The following RBFOX1 variants were observed in gnomAD, a reference collection of about 807,000 sequenced individuals.
The protein encoded by RBFOX1 is RNA binding protein fox-1 homolog 1.
In RBFOX1, 8 loss-of-function variants were observed where a neutral mutation model predicts 57.7. The ratio of observed to expected loss-of-function variants is 0.14; its 90% CI spans 0.08 to 0.25. RBFOX1 has a LOEUF of 0.25. Among genes scored for constraint, RBFOX1 ranks in the 10% least tolerant of loss-of-function variants. The pLI is 1.00. For missense variants in RBFOX1, 611 were observed against 548.5 expected, an observed-to-expected ratio of 1.11 and a Z score of -1.14; for synonymous variants, 326 against 222.4, an observed-to-expected ratio of 1.47 and a Z score of -4.15.
rs916116438 is a variant in RBFOX1, at chr16:6,867,762, C to A, written c.-15-184295C>A. On this transcript the variant is annotated intron_variant, in intron 3 of 15. Transcript: ENST00000550418. ...TATTTATCAGTTAATGTGTGAATTA[C>A]CCATGGCATCATTACCTTTAGGTTT... Among the ~76,000 whole-genome samples, 28 of 152,274 alleles carry A rather than the reference C, an allele frequency of 1.8e-4. No homozygotes were observed. In the East Asian group the frequency reaches 5.2e-3, roughly 28 times the overall value.
At chr16:5,416,660 G>T (rs572990312) in intron 1 of RBFOX1, among the ~76,000 whole-genome samples, 9 of 150,146 alleles carry the variant, frequency 6.0e-5, no homozygotes, top group African/African-American at 2.0e-4. Flanking sequence ...GCTTACGATT[G>T]TTCCCTGTAT....
intron 1 of RBFOX1, among the ~76,000 whole-genome samples, chr16:5,324,299 C>T (rs1204074672): frequency 6.6e-6 from 1 of 152,150 alleles, no homozygotes; most frequent in Non-Finnish European, 1.5e-5. Flanking sequence ...CCCATCTCTA[C>T]TAAAAATGCA....
chr16:5,683,430 G>C (rs971355134), intron 3 of RBFOX1, among the ~76,000 whole-genome samples: 1 of 151,986 alleles, frequency 6.6e-6, no homozygotes, highest in Non-Finnish European at 1.5e-5. Flanking sequence ...GTCTCTGTGG[G>C]TGTCGCCAAA....
chr16:6,404,113 A>C (rs916115260), intron 2 of RBFOX1, among the ~76,000 whole-genome samples: 1 of 152,164 alleles, frequency 6.6e-6, no homozygotes, highest in Non-Finnish European at 1.5e-5. Context: ...GAGTCAACCA[A>C]CCACAGATCG....
chr16:6,051,833 G>C (rs1173248360), intron 1 of RBFOX1, among the ~76,000 whole-genome samples: 3 of 152,132 alleles, frequency 2.0e-5, no homozygotes, highest in Non-Finnish European at 4.4e-5. Flanking sequence ...CAAACTGCTG[G>C]GATTACAGGC....
intron 2 of RBFOX1, among the ~76,000 whole-genome samples, chr16:6,481,658 T>C (rs2095372865): frequency 6.6e-6 from 1 of 152,188 alleles, no homozygotes; most frequent in African/African-American, 2.4e-5. Context: ...TTTTACCTGG[T>C]GCTGTTGGAA....
chr16:7,230,272 GA>G (rs767995697), intron 4 of RBFOX1, among the ~76,000 whole-genome samples: 8 of 152,172 alleles, frequency 5.3e-5, no homozygotes, highest in Non-Finnish European at 1.0e-4. Context: ...TAAACAAACA[GA>G]AAGTACCTGC....
chr16:7,018,754 C>T (rs549997107), intron 3 of RBFOX1, among the ~76,000 whole-genome samples: 56 of 150,600 alleles, frequency 3.7e-4, no homozygotes, highest in South Asian at 8.4e-4. Flanking sequence ...CAAACCTGCA[C>T]GTTGTGCACA....
At chr16:6,919,514 C>T (rs1237679247) in intron 3 of RBFOX1, among the ~76,000 whole-genome samples, 1 of 151,926 alleles carries the variant, frequency 6.6e-6, no homozygotes, top group Non-Finnish European at 1.5e-5. Context: ...GGGATTTGAA[C>T]CATGAAATCC....
intron 2 of RBFOX1, among the ~76,000 whole-genome samples, chr16:6,564,580 A>G (rs186383525): frequency 1.2e-4 from 18 of 152,248 alleles, no homozygotes; most frequent in African/African-American, 4.1e-4. Flanking sequence ...TCACTGATAT[A>G]TGGAATCTAA....
chr16:6,722,322 T>TA (rs1262049579), intron 3 of RBFOX1, among the ~76,000 whole-genome samples: 1 of 151,810 alleles, frequency 6.6e-6, no homozygotes, highest in Non-Finnish European at 1.5e-5. Flanking sequence ...TATTTTCTGT[T>TA]TTTGTTTGCT....
intron 2 of RBFOX1, among the ~76,000 whole-genome samples, chr16:6,499,311 G>A (rs1476644276): frequency 2.6e-5 from 4 of 151,908 alleles, no homozygotes; most frequent in East Asian, 1.9e-4. Context: ...TGCACTAATC[G>A]AGCCATTATG....
chr16:7,111,380 T>C (rs2064738178), intron 4 of RBFOX1, among the ~76,000 whole-genome samples: 1 of 152,224 alleles, frequency 6.6e-6, no homozygotes, highest in African/African-American at 2.4e-5. Flanking sequence ...TTTTTCCTCA[T>C]AGTAAATAAA....
intron 3 of RBFOX1, among the ~76,000 whole-genome samples, chr16:5,850,596 C>G (rs2056871014): frequency 6.6e-6 from 1 of 152,148 alleles, no homozygotes; most frequent in Non-Finnish European, 1.5e-5. Flanking sequence ...TGTTTACTCC[C>G]AGAACTATTT....
intron 2 of RBFOX1, among the ~76,000 whole-genome samples, chr16:6,343,930 C>T (rs1054235950): frequency 3.9e-5 from 6 of 152,174 alleles, no homozygotes; most frequent in Non-Finnish European, 5.9e-5. Flanking sequence ...GAGGTTTTCA[C>T]GAGTCTCTGG....
At chr16:7,701,408 C>A (rs943663241) in intron 14 of RBFOX1, among the ~76,000 whole-genome samples, 11 of 152,192 alleles carry the variant, frequency 7.2e-5, no homozygotes, top group African/African-American at 2.7e-4. Context: ...ATTAGATTCT[C>A]ATGGGAGCAC....
intron 3 of RBFOX1, among the ~76,000 whole-genome samples, chr16:6,708,004 G>C (rs1474162923): frequency 6.6e-6 from 1 of 152,090 alleles, no homozygotes; most frequent in East Asian, 1.9e-4. Flanking sequence ...GTGCTGTGGA[G>C]GGTTTCAAAA....
At chr16:5,256,369 G>T (rs1596318319) in intron 1 of RBFOX1, among the ~76,000 whole-genome samples, 1 of 152,184 alleles carries the variant, frequency 6.6e-6, no homozygotes, top group Non-Finnish European at 1.5e-5. Flanking sequence ...CAAGTTCGGG[G>T]AGGGGGCTGA....
chr16:5,499,759 A>G (rs907360624), intron 2 of RBFOX1, among the ~76,000 whole-genome samples: 1 of 151,808 alleles, frequency 6.6e-6, no homozygotes, highest in African/African-American at 2.4e-5. Flanking sequence ...TGTTAGTAGA[A>G]AGGGGGTTTC....
Sources: allele counts gnomAD v4.1 joint callset (sites outside exome capture counted in the v4.1 genomes callset), GRCh38; gene constraint gnomAD v4.1.1; transcripts MANE v1.5; gene names NCBI Gene and HGNC (gene_info 2026-07-23, HGNC 2026-07-21).